ALK: variants seen among roughly 807,000 people sequenced by gnomAD.
ALK encodes the protein ALK receptor tyrosine kinase.
In ALK, 74 loss-of-function variants were observed where a neutral mutation model predicts 163.1. That is an observed-to-expected ratio of 0.45 (90% CI 0.38 to 0.55). ALK has a LOEUF of 0.55. Ranked by LOEUF, ALK falls within the 20% of genes least tolerant of loss-of-function variation. ALK has a pLI of 0.00. For synonymous variants in ALK, 960 were observed against 843.2 expected (o/e 1.14, Z -2.40); for missense variants, 2,063 against 2,105.3 (o/e 0.98, Z 0.39).
intron 3 of ALK, among the ~76,000 whole-genome samples, chr2:29,647,893 T>C (rs1026765397): frequency 6.6e-6 from 1 of 151,882 alleles, no homozygotes; most frequent in Non-Finnish European, 1.5e-5. Flanking sequence ...TAAATCATTA[T>C]TGTCATCACC....
chr2:29,773,315 G>C (rs902700805), intron 1 of ALK, among the ~76,000 whole-genome samples: 1 of 151,946 alleles, frequency 6.6e-6, no homozygotes, highest in Non-Finnish European at 1.5e-5. Flanking sequence ...GTACCTATAA[G>C]CAATTGCTCA....
chr2:29,293,509 G>C (rs1573200523), intron 9 of ALK, among the ~76,000 whole-genome samples: 1 of 152,182 alleles, frequency 6.6e-6, no homozygotes, highest in Non-Finnish European at 1.5e-5. Context: ...TACATATAGA[G>C]TATAGGTGTC....
chr2:29,287,846 C>G (rs1289391940), intron 9 of ALK, among the ~76,000 whole-genome samples: 1 of 151,918 alleles, frequency 6.6e-6, no homozygotes, highest in East Asian at 1.9e-4. Context: ...CCTGAATGAT[C>G]AGGTGGAAGG....
chr2:29,241,485 A>AGAT (rs1421487205), intron 12 of ALK, among the ~76,000 whole-genome samples: 1 of 151,642 alleles, frequency 6.6e-6, no homozygotes, highest in Non-Finnish European at 1.5e-5. Context: ...GCCAGGAGGG[A>AGAT]GATGGGGGAT....
intron 1 of ALK, among the ~76,000 whole-genome samples, chr2:29,734,433 C>G (rs1679835602): frequency 6.6e-6 from 1 of 152,216 alleles, no homozygotes; most frequent in South Asian, 2.1e-4. Context: ...TAAAATAGAT[C>G]ATTAATCAGA....
At chr2:29,467,451 T>A (rs1376353461) in intron 4 of ALK, among the ~76,000 whole-genome samples, 1 of 152,208 alleles carries the variant, frequency 6.6e-6, no homozygotes, top group Non-Finnish European at 1.5e-5. Flanking sequence ...ATAAGCCAAT[T>A]AGTCTTCCTT....
chr2:29,374,937 G>A (rs1435262634), intron 5 of ALK, among the ~76,000 whole-genome samples: 1 of 152,176 alleles, frequency 6.6e-6, no homozygotes, highest in Non-Finnish European at 1.5e-5. Context: ...TCACTTCCAA[G>A]CAATAGAGCT....
chr2:29,413,544 T>G (rs980994582), intron 4 of ALK, among the ~76,000 whole-genome samples: 3 of 151,958 alleles, frequency 2.0e-5, no homozygotes, highest in African/African-American at 7.3e-5. Flanking sequence ...ATTTATTTAT[T>G]TTTTTAAGAC....
At chr2:29,396,714 A>G (rs574730776) in intron 4 of ALK, among the ~76,000 whole-genome samples, 1 of 151,554 alleles carries the variant, frequency 6.6e-6, no homozygotes, top group Admixed American at 6.6e-5. Flanking sequence ...ACCCTCAAAC[A>G]TGACCACAGT....
intron 3 of ALK, among the ~76,000 whole-genome samples, chr2:29,675,653 G>A (rs1385289680): frequency 6.6e-6 from 1 of 151,932 alleles, no homozygotes; most frequent in Non-Finnish European, 1.5e-5. Context: ...CATGCCTGCT[G>A]CTTACATGCT....
chr2:29,343,413 C>T (rs1166941068), intron 5 of ALK, among the ~76,000 whole-genome samples: 2 of 151,818 alleles, frequency 1.3e-5, no homozygotes, highest in Non-Finnish European at 2.9e-5. Flanking sequence ...TGGGGTCTCC[C>T]TATTTTGCCC....
intron 4 of ALK, among the ~76,000 whole-genome samples, chr2:29,519,418 T>G (rs1672754776): frequency 6.6e-6 from 1 of 152,240 alleles, no homozygotes. Context: ...CAAACAGTCA[T>G]GTAGGATTGT....
chr2:29,714,096 G>C (rs1177758063), intron 2 of ALK, among the ~76,000 whole-genome samples: 1 of 152,048 alleles, frequency 6.6e-6, no homozygotes, highest in Non-Finnish European at 1.5e-5. Context: ...ATCTGAGTAG[G>C]TAGTTAGAGC....
At chr2:29,912,774 T>G (rs75424263) in intron 1 of ALK, among the ~76,000 whole-genome samples, 2 of 152,124 alleles carry the variant, frequency 1.3e-5, no homozygotes, top group Non-Finnish European at 2.9e-5. Flanking sequence ...TAACAAAAGA[T>G]AAAGAACATC....
At chr2:29,643,126 G>C (rs183004703) in intron 3 of ALK, among the ~76,000 whole-genome samples, 1 of 152,228 alleles carries the variant, frequency 6.6e-6, no homozygotes, top group Non-Finnish European at 1.5e-5. Flanking sequence ...GAAAGCCAAA[G>C]AAGATAATCT....
At chr2:29,504,910 G>C (rs1380354072) in intron 4 of ALK, among the ~76,000 whole-genome samples, 1 of 152,152 alleles carries the variant, frequency 6.6e-6, no homozygotes, top group African/African-American at 2.4e-5. Flanking sequence ...TTGACGGCTG[G>C]GTAGAGAGGG....
chr2:29,392,661 T>G (rs1669203448), intron 4 of ALK, among the ~76,000 whole-genome samples: 1 of 152,178 alleles, frequency 6.6e-6, no homozygotes, highest in South Asian at 2.1e-4. Flanking sequence ...ACGAAGAGTC[T>G]ACCTCTACAG....
intron 3 of ALK, among the ~76,000 whole-genome samples, chr2:29,618,824 C>T (rs1005109859): frequency 3.9e-5 from 6 of 152,002 alleles, no homozygotes; most frequent in Non-Finnish European, 7.4e-5. Flanking sequence ...ACTAAAAATA[C>T]AAAAATTAGC....
At chr2:29,238,380 A>G (rs1664435782) in intron 13 of ALK, among the ~76,000 whole-genome samples, 1 of 151,830 alleles carries the variant, frequency 6.6e-6, no homozygotes, top group Non-Finnish European at 1.5e-5. Flanking sequence ...TATTTTTAGT[A>G]TATACATGGT....
Sources: gnomAD v4.1 joint callset for allele counts (sites outside exome capture counted in the v4.1 genomes callset) on GRCh38, gnomAD v4.1.1 for gene constraint, MANE v1.5 for transcripts, NCBI Gene and HGNC (gene_info 2026-07-23, HGNC 2026-07-21) for gene names.